KCNA2: variants seen among roughly 807,000 people sequenced by gnomAD.
The protein encoded by KCNA2 is potassium voltage-gated channel subfamily A member 2.
A neutral mutation model predicts 33.4 loss-of-function variants in KCNA2; 11 were observed. That is an observed-to-expected ratio of 0.33 (90% CI 0.21 to 0.55). The LOEUF is 0.55. Among genes scored for constraint, KCNA2 ranks in the 20% least tolerant of loss-of-function variants. KCNA2 has a pLI of 0.93. For synonymous variants in KCNA2, 222 were observed against 231.3 expected (o/e 0.96, Z 0.37); for missense variants, 291 against 621.6 (o/e 0.47, Z 5.66).
chr1:110,609,932 T>C (rs1649813346), upstream of KCNA2, among the ~76,000 whole-genome samples: 2 of 152,324 alleles, frequency 1.3e-5, no homozygotes, highest in South Asian at 2.1e-4. Context: ...GTTGGTCGAA[T>C]GGGAGAGCAA....
Position 110,601,500 on chromosome 1 carries a change from G to C in KCNA2, c.*1783C>G. Reference sequence around the variant, plus strand: ...ATGAACTGTAGAGAGGAGGCCCGGGGTGGGTCTGGCCCAGGACAGCTGGAA... The same window carrying C: ...ATGAACTGTAGAGAGGAGGCCCGGGCTGGGTCTGGCCCAGGACAGCTGGAA... On this transcript the variant is annotated 3_prime_UTR_variant, in exon 3 of 3. Transcript: ENST00000316361. The C allele has an allele frequency of 7.1e-6, 7 of 986,096 alleles. No individual in the cohort carries two copies. The highest frequency in any genetic ancestry group is 8.4e-6 in the Non-Finnish European group (7 of 830,436). 61.1% of individuals were successfully genotyped at this position (986,096 alleles called of 1,614,324 possible). A position where few individuals can be genotyped will look rare whatever the true frequency, so the allele number is the denominator to read the frequency against.
rs900897161 is a variant in KCNA2 at position 110,616,339 on chromosome 1, G to A, written c.-495-10617C>T. The stretch of plus-strand genomic sequence containing the variant: ...TCATCTAGTCAGGGTCAGGGGCCGT[G>A]GCAGTTGTCAGGTCAGCTCTGTGGG... On this transcript the variant is annotated intron_variant, in intron 1 of 4. Transcript: ENST00000369770. Among the ~76,000 whole-genome samples, 4 of 152,136 alleles carry A rather than the reference G, an allele frequency of 2.6e-5. 1 individual carries two copies. The highest frequency in any genetic ancestry group is 3.2e-3 in the Middle Eastern group (1 of 316).
At chr1:110,605,128 C>T (rs1311397935) in intron 2 of KCNA2, among the ~76,000 whole-genome samples, 183 bp from the exon 3 acceptor site, 1 of 152,176 alleles carries the variant, frequency 6.6e-6, no homozygotes, top group Non-Finnish European at 1.5e-5. Flanking sequence ...GAGCAGGTAG[C>T]AATCTCTCCA....
In KCNA2 at chr1:110,602,819, A is replaced by G. The variant is rs1649418286; in HGVS notation, c.*464T>C. ...AGGACTGTGTGTTCTTTTCAATGCA[A>G]AAATGAGTATGACCTTTTGAACAAA... On this transcript the variant is annotated 3_prime_UTR_variant, in exon 3 of 3. Coordinates refer to ENST00000316361, the MANE Select transcript of KCNA2 (RefSeq NM_004974.4). 1 of 998,028 alleles carries G rather than the reference A, an allele frequency of 1.0e-6. No homozygotes were observed. The highest frequency in any genetic ancestry group is 4.5e-5 in the South Asian group (1 of 21,990). 61.8% of individuals were successfully genotyped at this position (998,028 alleles called of 1,614,324 possible). A position where few individuals can be genotyped will look rare whatever the true frequency, so the allele number is the denominator to read the frequency against.
At position 110,602,042 on chromosome 1, in the gene KCNA2, A is replaced by G. The variant is rs1375802867; in HGVS notation, c.*1241T>C. On this transcript the variant is annotated 3_prime_UTR_variant, in exon 3 of 3. Transcript: ENST00000316361. ...TGGATCCACAGACCTGCCTGTCATC[A>G]GGACCAGATGCCCTGGTCCACTGTA... The G allele has an allele frequency of 6.5e-7, 1 of 1,550,258 alleles. No individual in the cohort carries two copies. The highest frequency in any genetic ancestry group is 1.2e-5 in the South Asian group (1 of 84,022).
intron 1 of KCNA2, among the ~76,000 whole-genome samples, chr1:110,619,942 C>A (rs1570765351): frequency 6.6e-6 from 1 of 152,196 alleles, no homozygotes; most frequent in East Asian, 1.9e-4. Context: ...GCCGACTTAA[C>A]GTCCTAGGAG....
In KCNA2 at chr1:110,603,082, C is replaced by T. The variant is rs1006190950; in HGVS notation, c.*201G>A. On this transcript the variant is annotated 3_prime_UTR_variant, in exon 3 of 3. Coordinates refer to ENST00000316361, the MANE Select transcript of KCNA2 (RefSeq NM_004974.4). The surrounding 1 kb of genome is among the most constrained non-coding windows in gnomAD (Gnocchi z 5.7). Reference sequence around the variant, plus strand: ...CTCCCGTCTTTGGAAGTTCATAAGCCGGTGATGAGGATGTGCATGAAAGCC... The same window carrying T: ...CTCCCGTCTTTGGAAGTTCATAAGCTGGTGATGAGGATGTGCATGAAAGCC... 2.9e-5 allele frequency: 41 copies of T among 1,409,614 alleles called. No individual in the cohort carries two copies. Among genetic ancestry groups the T allele is most frequent in the African/African-American group, 4.3e-5 (3 of 69,110 alleles). The allele number at this position is 1,409,614 out of a possible 1,614,324, so 87.3% of individuals were successfully genotyped here.
intron 1 of KCNA2, among the ~76,000 whole-genome samples, chr1:110,618,853 C>G (rs1650155231): frequency 1.3e-5 from 2 of 152,196 alleles, no homozygotes; most frequent in Non-Finnish European, 2.9e-5. Context: ...AACCAGATGT[C>G]TTATCTCTTC....
intron 1 of KCNA2, among the ~76,000 whole-genome samples, chr1:110,631,076 C>T (rs1650546070): frequency 6.6e-6 from 1 of 152,172 alleles, no homozygotes; most frequent in Non-Finnish European, 1.5e-5. Flanking sequence ...CTTTCCACTT[C>T]CAAGCCTCAG....
chr1:110,620,103 A>G (rs1373860265), intron 1 of KCNA2, among the ~76,000 whole-genome samples: 1 of 151,396 alleles, frequency 6.6e-6, no homozygotes, highest in Admixed American at 6.6e-5. Context: ...TGAGAGAGAG[A>G]GAGAGAAATT....
At chr1:110,612,039 T>A (rs1167280122) in intron 1 of KCNA2, among the ~76,000 whole-genome samples, 2 of 151,800 alleles carry the variant, frequency 1.3e-5, no homozygotes, top group African/African-American at 4.8e-5. Context: ...AATAAATAAA[T>A]AAAATAAAAG....
chr1:110,628,478 C>A (rs890070571), intron 1 of KCNA2, among the ~76,000 whole-genome samples: 2 of 152,164 alleles, frequency 1.3e-5, no homozygotes, highest in African/African-American at 4.8e-5. Context: ...AGTACTCACA[C>A]AAAGCTATTT....
intron 1 of KCNA2, among the ~76,000 whole-genome samples, chr1:110,615,781 G>T (rs1202474573): frequency 6.6e-6 from 1 of 152,232 alleles, no homozygotes; most frequent in Admixed American, 6.5e-5. Flanking sequence ...AGGAGTGGAA[G>T]AGAGCCTGGG....
At chr1:110,623,812 C>A (rs1650319563) in intron 1 of KCNA2, among the ~76,000 whole-genome samples, 2 of 151,990 alleles carry the variant, frequency 1.3e-5, no homozygotes, top group African/African-American at 4.8e-5. Context: ...ACTGAATAGG[C>A]ATCTCACCAA....
At position 110,604,875 on chromosome 1, in the gene KCNA2, G is replaced by A; in HGVS notation, c.-93C>T. ...CTGCTACTGGCCCCAGGAAGCACAG[G>A]AGCATTGGCCTGGTCTCCTGCAGGA... On this transcript the variant is annotated 5_prime_UTR_variant, in exon 3 of 3. Coordinates refer to ENST00000316361, the MANE Select transcript of KCNA2 (RefSeq NM_004974.4). The surrounding 1 kb of genome is among the most constrained non-coding windows in gnomAD (Gnocchi z 7.6). The A allele has an allele frequency of 8.2e-7, 1 of 1,222,768 alleles. No homozygotes were observed. The highest frequency in any genetic ancestry group is 2.2e-5 in the Admixed American group (1 of 46,276). 75.7% of individuals were successfully genotyped at this position (1,222,768 alleles called of 1,614,324 possible).
At chr1:110,629,797 T>C (rs1394748881) in intron 1 of KCNA2, among the ~76,000 whole-genome samples, 1 of 152,142 alleles carries the variant, frequency 6.6e-6, no homozygotes, top group Non-Finnish European at 1.5e-5. Flanking sequence ...ATGTATGGTA[T>C]TGGCAGAAAA....
At chr1:110,613,036 G>A (rs1456927949) in intron 1 of KCNA2, among the ~76,000 whole-genome samples, 2 of 152,192 alleles carry the variant, frequency 1.3e-5, no homozygotes, top group African/African-American at 4.8e-5. Context: ...GATTAAATGA[G>A]ATAGTGGGCA....
At position 110,600,472 on chromosome 1, in the gene KCNA2, C is replaced by T; in HGVS notation, c.*2811G>A. The T allele has an allele frequency of 2.0e-6, 2 of 984,676 alleles. No homozygotes were observed. Among genetic ancestry groups the T allele is most frequent in the Non-Finnish European group, 2.4e-6 (2 of 829,652 alleles). 61.0% of individuals were successfully genotyped at this position (984,676 alleles called of 1,614,324 possible). ...AAATTCTATATCTGTGCAGAGTGTGCATTTTATATACAATTATAACCATAT... is the reference window on the plus strand; with the variant it reads ...AAATTCTATATCTGTGCAGAGTGTGTATTTTATATACAATTATAACCATAT... On this transcript the variant is annotated 3_prime_UTR_variant, in exon 3 of 3. Transcript: ENST00000316361.
In KCNA2 at chr1:110,602,629, C is replaced by T. The variant is rs573949380; in HGVS notation, c.*654G>A. 3.9e-5 allele frequency: 39 copies of T among 997,492 alleles called. 1 individual carries two copies. In the East Asian group the frequency reaches 6.4e-4, roughly 16 times the overall value. The allele number at this position is 997,492 out of a possible 1,614,324, so 61.8% of individuals were successfully genotyped here. A position where few individuals can be genotyped will look rare whatever the true frequency, so the allele number is the denominator to read the frequency against. ...AATGTGAAACTTGACAACTCATATTCGGTCATACTAACTGTCCCTCCCCCG... is the reference window on the plus strand; with the variant it reads ...AATGTGAAACTTGACAACTCATATTTGGTCATACTAACTGTCCCTCCCCCG... On this transcript the variant is annotated 3_prime_UTR_variant, in exon 3 of 3. Transcript: ENST00000316361.
Sources: allele counts gnomAD v4.1 joint callset (sites outside exome capture counted in the v4.1 genomes callset), GRCh38; gene constraint gnomAD v4.1.1; non-coding constraint Gnocchi (gnomAD v3.1); transcripts MANE v1.5; gene names NCBI Gene and HGNC (gene_info 2026-07-23, HGNC 2026-07-21).